Variants in NT5DC3 observed in about 807,000 individuals in gnomAD.
The protein encoded by NT5DC3 is 5'-nucleotidase domain containing 3.
Under a neutral mutation model 67.8 loss-of-function variants are expected in NT5DC3, and 42 were observed. The observed-to-expected ratio is 0.62, with a 90% CI of 0.48 to 0.80. NT5DC3 has a LOEUF of 0.80. Ranked by LOEUF, NT5DC3 falls within the 30% of genes least tolerant of loss-of-function variation. The pLI, the probability that NT5DC3 is intolerant of heterozygous loss-of-function variation, is 0.00. For missense variants in NT5DC3, 570 were observed against 696.4 expected (o/e 0.82, Z 2.04); for synonymous variants, 237 against 255.6 (o/e 0.93, Z 0.69).
chr12:103,808,865 C>T (rs993940132), intron 2 of NT5DC3, among the ~76,000 whole-genome samples: 1 of 152,204 alleles, frequency 6.6e-6, no homozygotes, highest in Non-Finnish European at 1.5e-5. Flanking sequence ...TCACTGAGAG[C>T]GGTGCCTTCA....
chr12:103,840,197 T>C (rs1468209832), intron 1 of NT5DC3, among the ~76,000 whole-genome samples: 1 of 152,182 alleles, frequency 6.6e-6, no homozygotes, highest in African/African-American at 2.4e-5. Context: ...TTAGAGATAA[T>C]CTACGTGCCC....
At chr12:103,818,130 T>A (rs1182141331) in intron 1 of NT5DC3, among the ~76,000 whole-genome samples, 1 of 152,242 alleles carries the variant, frequency 6.6e-6, no homozygotes, top group Non-Finnish European at 1.5e-5. Flanking sequence ...ATTCATCCCC[T>A]AAAGCCTATT....
intron 2 of NT5DC3, among the ~76,000 whole-genome samples, chr12:103,811,783 T>G (rs912102417): frequency 6.6e-6 from 1 of 152,224 alleles, no homozygotes; most frequent in Admixed American, 6.5e-5. Context: ...TGGAGGAAAC[T>G]GGGCATTGGG....
chr12:103,814,916 G>A, intron 2 of NT5DC3, 21 bp downstream of exon 2: 1 of 1,578,358 alleles, frequency 6.3e-7, no homozygotes, highest in Non-Finnish European at 8.6e-7. Flanking sequence ...GGAGAAGCCT[G>A]AAATGTCCCT....
the NT5DC3 span, chr12:103,762,409 G>C: frequency 6.2e-7 from 1 of 1,614,202 alleles, no homozygotes; most frequent in Non-Finnish European, 8.5e-7. Context: ...TGAGGTAAGA[G>C]AGAAAAATGG....
chr12:103,810,458 C>T (rs1177361988), intron 2 of NT5DC3, among the ~76,000 whole-genome samples: 1 of 152,192 alleles, frequency 6.6e-6, no homozygotes, highest in Non-Finnish European at 1.5e-5. Context: ...AGAAACTTTT[C>T]ACCACCCAAG....
intron 2 of NT5DC3, among the ~76,000 whole-genome samples, chr12:103,808,289 C>T (rs1417593721): frequency 6.6e-6 from 1 of 152,184 alleles, no homozygotes; most frequent in Non-Finnish European, 1.5e-5. Context: ...GGGCCTTCTC[C>T]CCTGCTCTCC....
downstream of NT5DC3, among the ~76,000 whole-genome samples, chr12:103,771,897 C>T (rs1005127536): frequency 6.6e-6 from 1 of 152,084 alleles, no homozygotes; most frequent in African/African-American, 2.4e-5. Flanking sequence ...AGAAAATCGC[C>T]CCCAAAAAAT....
intron 4 of NT5DC3, among the ~76,000 whole-genome samples, chr12:103,799,310 G>A (rs1011369275): frequency 6.6e-6 from 1 of 152,186 alleles, no homozygotes; most frequent in South Asian, 2.1e-4. Flanking sequence ...ATCTTGAATT[G>A]TAGCTCCTAT....
chr12:103,833,490 T>C (rs1888016471), intron 1 of NT5DC3, among the ~76,000 whole-genome samples: 1 of 152,196 alleles, frequency 6.6e-6, no homozygotes, highest in South Asian at 2.1e-4. Flanking sequence ...CTTATGCTTA[T>C]ACACGCTAAG....
At chr12:103,760,347 C>CT in the NT5DC3 span, among the ~76,000 whole-genome samples, 9 of 152,074 alleles carry the variant, frequency 5.9e-5, no homozygotes, top group African/African-American at 2.2e-4. Flanking sequence ...TGCAACCTCC[C>CT]CCTCCTGGAT....
intron 9 of NT5DC3, among the ~76,000 whole-genome samples, chr12:103,791,883 A>G (rs12422701): frequency 0.094 from 14,372 of 152,256 alleles, 939 homozygotes; most frequent in East Asian, 0.28. Flanking sequence ...CAGGTAGAAC[A>G]GTTTCATCCT....
chr12:103,834,695 T>C (rs1888071436), intron 1 of NT5DC3, among the ~76,000 whole-genome samples: 1 of 152,128 alleles, frequency 6.6e-6, no homozygotes, highest in Non-Finnish European at 1.5e-5. Flanking sequence ...AAATAAAGTT[T>C]TTAAAAAAAC....
At chr12:103,749,253 C>T in the NT5DC3 span, 4 of 1,292,804 alleles carry the variant, frequency 3.1e-6, no homozygotes, top group Admixed American at 8.5e-5. Flanking sequence ...CTCCTGGACT[C>T]TTCCTAAACA....
At chr12:103,759,573 A>G in the NT5DC3 span, among the ~76,000 whole-genome samples, 5 of 152,270 alleles carry the variant, frequency 3.3e-5, no homozygotes, top group East Asian at 9.7e-4. Context: ...CATTAACATG[A>G]GCTCCAAAGT....
In NT5DC3 at chr12:103,773,025, C is replaced by A. The variant is rs879524207; in HGVS notation, c.*4804G>T. The A allele has an allele frequency of 1.3e-5, 2 of 152,236 alleles. No homozygotes were observed. The highest frequency in any genetic ancestry group is 4.8e-5 in the African/African-American group (2 of 41,448). 9.4% of individuals were successfully genotyped at this position (152,236 alleles called of 1,614,324 possible). A position where few individuals can be genotyped will look rare whatever the true frequency, so the allele number is the denominator to read the frequency against. On this transcript the variant is annotated 3_prime_UTR_variant, in exon 14 of 14. Transcript: ENST00000392876. ...GAGCCTGATGGCTCAAGTACACACA[C>A]TGGCCATACATGTAACTATGCCCAG...
chr12:103,766,157 A>C (rs1884944012), downstream of NT5DC3: 1 of 1,282,612 alleles, frequency 7.8e-7, no homozygotes, highest in Non-Finnish European at 1.1e-6. Context: ...GCACAAACAA[A>C]CACGCCCAGC....
chr12:103,790,780 C>G (rs1886019570), intron 9 of NT5DC3, among the ~76,000 whole-genome samples: 1 of 120,944 alleles, frequency 8.3e-6, no homozygotes. Context: ...GGCTCTGCCT[C>G]CCAGGTTCAC....
chr12:103,837,652 C>A (rs962571249), intron 1 of NT5DC3, among the ~76,000 whole-genome samples: 1 of 152,258 alleles, frequency 6.6e-6, no homozygotes, highest in South Asian at 2.1e-4. Context: ...TGCCGCCAAC[C>A]TCTTTGCTAA....
Sources: allele counts gnomAD v4.1 joint callset (sites outside exome capture counted in the v4.1 genomes callset), GRCh38; gene constraint gnomAD v4.1.1; transcripts MANE v1.5; gene names NCBI Gene and HGNC (gene_info 2026-07-23, HGNC 2026-07-21).